The following SEL1L variants were observed in gnomAD, a reference collection of about 807,000 sequenced individuals.
The protein encoded by SEL1L is protein sel-1 homolog 1.
Under a neutral mutation model 109.8 loss-of-function variants are expected in SEL1L, and 52 were observed. The ratio of observed to expected loss-of-function variants is 0.47; its 90% CI spans 0.38 to 0.60. SEL1L has a LOEUF of 0.60. SEL1L is among the 20% of genes least tolerant of loss of function. SEL1L has a pLI of 0.00. For synonymous variants in SEL1L, 373 were observed against 339.6 expected, an observed-to-expected ratio of 1.10 and a Z score of -1.08; for missense variants, 749 against 962.2, an observed-to-expected ratio of 0.78 and a Z score of 2.93.
In SEL1L at chr14:81,526,824, C is replaced by G. The variant is rs143140269; in HGVS notation, c.249G>C (p.Glu83Asp). ...QEEEDSLKSQ[E>D]GESVTEDISF... ...TGATATCTTCTGTGACACTTTCCCCCTCTTGGCTCTTGAGGCTGTCTTCCT... is the reference window on the plus strand; with the variant it reads ...TGATATCTTCTGTGACACTTTCCCCGTCTTGGCTCTTGAGGCTGTCTTCCT... Residue 83 changes from glutamate (E) to aspartate (D), a missense_variant, in exon 3 of 21, where the codon GAG becomes GAC. Transcript: ENST00000336735. 5 of 1,605,402 alleles carry G rather than the reference C, an allele frequency of 3.1e-6. No homozygotes were observed. The highest frequency in any genetic ancestry group is 4.2e-6 in the Non-Finnish European group (5 of 1,177,282).
chr14:81,488,825 TGA>T (rs1397729275), intron 14 of SEL1L: 2 of 218,694 alleles, frequency 9.1e-6, no homozygotes, highest in South Asian at 6.7e-5. Context: ...AGTTTGACTC[TGA>T]GTGAAGGGCT....
intron 13 of SEL1L, 39 bp from the exon 14 acceptor site, chr14:81,489,353 T>G: frequency 1.3e-6 from 2 of 1,540,126 alleles, no homozygotes; most frequent in Non-Finnish European, 1.8e-6. Context: ...GTGAAAAGAA[T>G]TCATTCAAAA....
Position 81,527,720 on chromosome 14 carries a change from T to A in SEL1L, c.89A>T (p.Asp30Val), listed in dbSNP as rs201862575. 2.1e-5 allele frequency: 33 copies of A among 1,604,130 alleles called. No individual in the cohort carries two copies. The highest frequency in any genetic ancestry group is 2.6e-5 in the Non-Finnish European group (30 of 1,175,380). The change falls in exon 2 of 21, where the codon GAT becomes GTT. Residue 30 changes from aspartate to valine, a missense_variant. Physicochemically the swap from Asp to Val is radical, Grantham distance 152 (BLOSUM62 -3). Around this residue, in one of 2 missense-constraint regions of SEL1L, gnomAD observed 366 missense variants for 399.8 expected, o/e 0.92. Coordinates refer to ENST00000336735, the MANE Select transcript of SEL1L (RefSeq NM_005065.6). Reference sequence around the variant, plus strand: ...ACATACCTTGGAATCTAAGGATTCATCCTGGCTGCCTTCTTCATCTGCAAA... The same window carrying A: ...ACATACCTTGGAATCTAAGGATTCAACCTGGCTGCCTTCTTCATCTGCAAA... ...SASSDEEGSQ[D>V]ESLDSKTTLT... is the part of the protein sequence containing the mutation.
chr14:81,472,584 G>T lies in SEL1L; in HGVS notation c.*4388C>A, dbSNP rs1903042633. On this transcript the variant is annotated 3_prime_UTR_variant, in exon 21 of 21. Coordinates refer to ENST00000336735, the MANE Select transcript of SEL1L (RefSeq NM_005065.6). ...TGCAAGTCCTCTTAAAAAATTCCTG[G>T]GACAAGGCAATGCATAAACAAACTT... is the stretch of plus-strand genomic sequence containing the variant. 1 of 457,866 alleles carries T rather than the reference G, an allele frequency of 2.2e-6. No homozygotes were observed. Among genetic ancestry groups the T allele is most frequent in the East Asian group, 6.7e-5 (1 of 14,936 alleles). 28.4% of individuals were successfully genotyped at this position (457,866 alleles called of 1,614,324 possible). A position where few individuals can be genotyped will look rare whatever the true frequency, so the allele number is the denominator to read the frequency against.
intron 3 of SEL1L, 38 bp downstream of exon 3, chr14:81,526,695 C>T: frequency 6.5e-7 from 1 of 1,545,052 alleles, no homozygotes; most frequent in Non-Finnish European, 8.9e-7. Context: ...CAGTTGTCCC[C>T]TAAATAAATC....
intron 3 of SEL1L, among the ~76,000 whole-genome samples, chr14:81,512,270 T>A (rs1305551948): frequency 6.6e-6 from 1 of 152,226 alleles, no homozygotes; most frequent in Non-Finnish European, 1.5e-5. Context: ...GAAGAAATTC[T>A]CCAAGCAAAT....
Position 81,492,440 on chromosome 14 carries a change from C to T in SEL1L, c.1254+40G>A, listed in dbSNP as rs759548415. The T allele has an allele frequency of 6.5e-6, 9 of 1,378,592 alleles. No homozygotes were observed. In the East Asian group the frequency reaches 2.1e-4, roughly 32 times the overall value. 85.4% of individuals were successfully genotyped at this position (1,378,592 alleles called of 1,614,324 possible). The stretch of plus-strand genomic sequence containing the variant: ...CAATACATGCTAATTATGCAAACAC[C>T]TCTTGCTATTACATAAAACATTCAC... On this transcript the variant is annotated intron_variant, in intron 12 of 20. Transcript: ENST00000336735.
chr14:81,494,373 C>G (rs900939973), intron 11 of SEL1L, among the ~76,000 whole-genome samples: 8 of 152,188 alleles, frequency 5.3e-5, no homozygotes, highest in Admixed American at 2.0e-4. Context: ...GAATATTCCC[C>G]TCCCTGATCT....
chr14:81,515,219 G>C (rs1411017325), intron 3 of SEL1L, among the ~76,000 whole-genome samples: 22 of 152,128 alleles, frequency 1.4e-4, no homozygotes, highest in Admixed American at 1.3e-3. Context: ...GCCCAACCTG[G>C]GTACATGTCC....
intron 3 of SEL1L, among the ~76,000 whole-genome samples, chr14:81,518,471 C>T (rs978832688): frequency 2.6e-5 from 4 of 151,230 alleles, no homozygotes; most frequent in African/African-American, 9.7e-5. Flanking sequence ...ACCAGCCTGG[C>T]CAACCTGGTG....
rs554627956 is a variant in SEL1L, at chr14:81,498,680, A to G, written c.892-186T>C. 23 of 528,756 alleles carry G rather than the reference A, an allele frequency of 4.3e-5. 1 individual carries two copies. The South Asian group carries it at 6.8e-4, about 16-fold the overall frequency. 32.8% of individuals were successfully genotyped at this position (528,756 alleles called of 1,614,324 possible). A position where few individuals can be genotyped will look rare whatever the true frequency, so the allele number is the denominator to read the frequency against. ...TCAGCAACTTCAACAAGAAGGCCAT[A>G]GCTAAGAGCAAGGAAATAAATAATA... On this transcript the variant is annotated intron_variant, in intron 8 of 20. Transcript: ENST00000336735.
chr14:81,527,375 C>T (rs1053128297), intron 2 of SEL1L, among the ~76,000 whole-genome samples: 1 of 151,816 alleles, frequency 6.6e-6, no homozygotes, highest in Non-Finnish European at 1.5e-5. Flanking sequence ...TGCATTAGCT[C>T]ACTGGATTTA....
Position 81,526,787 on chromosome 14 carries a change from A to C in SEL1L, c.286T>G (p.Ser96Ala). 3.1e-6 allele frequency: 5 copies of C among 1,607,686 alleles called. No individual in the cohort carries two copies. The highest frequency in any genetic ancestry group is 4.2e-6 in the Non-Finnish European group (5 of 1,178,296). The stretch of plus-strand genomic sequence containing the variant: ...TAGTCCTTGTTTTCTGGATTTGGAG[A>C]CTCTAGAAAGCTGATATCTTCTGTG... ...SVTEDISFLE[S>A]PNPENKDYEE... The change falls in exon 3 of 21, where the codon TCT becomes GCT. Residue 96 changes from serine to alanine, a missense_variant. Physicochemically the swap from Ser to Ala is moderately conservative, Grantham distance 99. This residue lies in a region of SEL1L where 366 missense variants were observed against 399.8 expected (regional missense o/e 0.92). Coordinates refer to ENST00000336735, the MANE Select transcript of SEL1L (RefSeq NM_005065.6).
Position 81,476,122 on chromosome 14 carries a change from C to T in SEL1L, c.*850G>A, listed in dbSNP as rs1291482739. Reference sequence around the variant, plus strand: ...TGATCGTAGTACCCCAACCAGAGTTCGTTTTGTTTTCTAATTTCTCCCACT... The same window carrying T: ...TGATCGTAGTACCCCAACCAGAGTTTGTTTTGTTTTCTAATTTCTCCCACT... On this transcript the variant is annotated 3_prime_UTR_variant, in exon 21 of 21. Coordinates refer to ENST00000336735, the MANE Select transcript of SEL1L (RefSeq NM_005065.6). 6.6e-6 allele frequency: 1 copy of T among 152,190 alleles called. No homozygotes were observed. The highest frequency in any genetic ancestry group is 1.5e-5 in the Non-Finnish European group (1 of 68,030). The allele number at this position is 152,190 out of a possible 1,614,324, so 9.4% of individuals were successfully genotyped here.
chr14:81,490,625 G>T (rs1020130283), intron 12 of SEL1L, among the ~76,000 whole-genome samples, 160 bp from the exon 13 acceptor site: 1 of 152,218 alleles, frequency 6.6e-6, no homozygotes, highest in African/African-American at 2.4e-5. Flanking sequence ...CAAAGGCCGG[G>T]TACAGTGGCT....
chr14:81,496,062 G>A (rs778651646), intron 10 of SEL1L, among the ~76,000 whole-genome samples: 62 of 152,290 alleles, frequency 4.1e-4, no homozygotes, highest in Non-Finnish European at 3.4e-4. Context: ...GGTGCCTCAC[G>A]CCTGTAATCC....
intron 3 of SEL1L, among the ~76,000 whole-genome samples, chr14:81,522,558 G>T (rs1385119350): frequency 6.6e-6 from 1 of 152,272 alleles, no homozygotes; most frequent in East Asian, 1.9e-4. Context: ...ATATAGCCGA[G>T]GTATAGGCTA....
chr14:81,503,136 G>T (rs756310977), intron 5 of SEL1L, among the ~76,000 whole-genome samples: 5 of 151,286 alleles, frequency 3.3e-5, no homozygotes, highest in Non-Finnish European at 7.4e-5. Flanking sequence ...GAGATTACAG[G>T]CGTGCGCCAC....
In SEL1L at chr14:81,472,295, G is replaced by A. The variant is rs980211339; in HGVS notation, c.*4677C>T. 30 of 191,568 alleles carry A rather than the reference G, an allele frequency of 1.6e-4. No individual in the cohort carries two copies. Among genetic ancestry groups the A allele is most frequent in the Admixed American group, 9.9e-4 (17 of 17,114 alleles). The allele number at this position is 191,568 out of a possible 1,614,324, so 11.9% of individuals were successfully genotyped here. A position where few individuals can be genotyped will look rare whatever the true frequency, so the allele number is the denominator to read the frequency against. On this transcript the variant is annotated 3_prime_UTR_variant, in exon 21 of 21. Transcript: ENST00000336735. Reference sequence around the variant, plus strand: ...GGGGTCACTGACTGTGCTCCCACAAGTACAATTTGAGATCTTGAGATCTGA... The same window carrying A: ...GGGGTCACTGACTGTGCTCCCACAAATACAATTTGAGATCTTGAGATCTGA...
Sources: gnomAD v4.1 joint callset for allele counts (sites outside exome capture counted in the v4.1 genomes callset) on GRCh38, gnomAD v4.1.1 for gene constraint, gnomAD v4.1.1 regional missense constraint, MANE v1.5 for transcripts, NCBI Gene and HGNC (gene_info 2026-07-23, HGNC 2026-07-21) for gene names.